The following SUPT3H variants were observed in gnomAD, a reference collection of about 807,000 sequenced individuals.
SUPT3H encodes the protein SPT3 homolog, SAGA and STAGA complex component, also known as transcription initiation protein SPT3 homolog.
A neutral mutation model predicts 44.3 loss-of-function variants in SUPT3H; 44 were observed. The observed-to-expected ratio is 0.99, with a 90% confidence interval of 0.78 to 1.28. The LOEUF (loss-of-function observed/expected upper bound fraction) is 1.28, where lower values mean the gene tolerates loss of function less well. Among genes scored for constraint, SUPT3H ranks in the 50% most tolerant of loss-of-function variants. The pLI is 0.00. For missense variants in SUPT3H, 380 were observed against 387.1 expected, an observed-to-expected ratio of 0.98 and a Z score of 0.15; for synonymous variants, 124 against 125.6, an observed-to-expected ratio of 0.99 and a Z score of 0.09.
chr6:45,346,628 T>C (rs183396289), intron 2 of SUPT3H, among the ~76,000 whole-genome samples: 2 of 150,648 alleles, frequency 1.3e-5, no homozygotes, highest in Non-Finnish European at 3.0e-5. Context: ...AGTGCAGTGG[T>C]GCGATCTCGG....
intron 2 of SUPT3H, among the ~76,000 whole-genome samples, chr6:45,166,980 A>T (rs1203486194): frequency 6.6e-6 from 1 of 152,250 alleles, no homozygotes; most frequent in Non-Finnish European, 1.5e-5. Flanking sequence ...TTTAAACAGT[A>T]AACATACACT....
intron 2 of SUPT3H, among the ~76,000 whole-genome samples, chr6:45,213,720 GTTAT>G (rs1230674357): frequency 2.0e-5 from 3 of 151,778 alleles, no homozygotes; most frequent in Non-Finnish European, 4.4e-5. Flanking sequence ...TTAAATGTTC[GTTAT>G]TTATTAAAAG....
At position 45,358,477 on chromosome 6, in the gene SUPT3H, A is replaced by T. The variant is rs146815089; in HGVS notation, c.101+6724T>A. 4.3e-4 allele frequency among the ~76,000 whole-genome samples: 66 copies of T among 152,316 alleles called. 1 individual carries two copies. In the East Asian group the frequency reaches 0.011, roughly 24 times the overall value. On this transcript the variant is annotated intron_variant, in intron 2 of 10. Coordinates refer to ENST00000371459, the MANE Select transcript of SUPT3H (RefSeq NM_003599.4). ...TCTCTATAATTATGAAATTCTTCCC[A>T]TTAAATTGCAAATATTTCCCCCTAT...
intron 9 of SUPT3H, among the ~76,000 whole-genome samples, chr6:44,950,231 A>G (rs1774067176): frequency 2.0e-5 from 3 of 152,044 alleles, no homozygotes; most frequent in Admixed American, 6.6e-5. Context: ...CCCCTTTCCC[A>G]TTACTCTCCT....
At chr6:45,122,039 A>AC (rs1363172175) in intron 2 of SUPT3H, among the ~76,000 whole-genome samples, 3 of 33,630 alleles carry the variant, frequency 8.9e-5, no homozygotes, top group Admixed American at 8.4e-4. Flanking sequence ...ATTTAAAAAC[A>AC]AAAAAAAAAG....
chr6:45,205,375 T>C (rs1185118822), intron 2 of SUPT3H, among the ~76,000 whole-genome samples: 1 of 152,202 alleles, frequency 6.6e-6, no homozygotes, highest in Non-Finnish European at 1.5e-5. Context: ...ACATTTTCTA[T>C]AGTTTCCACC....
At chr6:45,140,834 C>T (rs1029212780) in intron 2 of SUPT3H, among the ~76,000 whole-genome samples, 4 of 152,056 alleles carry the variant, frequency 2.6e-5, no homozygotes, top group African/African-American at 9.7e-5. Context: ...CTCAGGAAGC[C>T]CCATTCCTAG....
chr6:45,346,792 T>C (rs957646265), intron 2 of SUPT3H, among the ~76,000 whole-genome samples: 1 of 152,016 alleles, frequency 6.6e-6, no homozygotes, highest in Non-Finnish European at 1.5e-5. Context: ...GTCTCAAACT[T>C]GACCTCAGGT....
At chr6:45,191,014 T>C (rs1447620145) in intron 2 of SUPT3H, among the ~76,000 whole-genome samples, 2 of 152,092 alleles carry the variant, frequency 1.3e-5, no homozygotes, top group African/African-American at 4.8e-5. Context: ...TAGTGTCTTA[T>C]AAAACTAAAC....
At chr6:45,046,422 C>A (rs1326039411) in intron 3 of SUPT3H, among the ~76,000 whole-genome samples, 1 of 152,166 alleles carries the variant, frequency 6.6e-6, no homozygotes, top group Admixed American at 6.5e-5. Context: ...CCTCCGCCTG[C>A]CAGATTCAAG....
chr6:45,131,182 T>C (rs1326369932), intron 2 of SUPT3H, among the ~76,000 whole-genome samples: 2 of 152,150 alleles, frequency 1.3e-5, no homozygotes, highest in African/African-American at 2.4e-5. Context: ...GGCTAAATTA[T>C]AGGTTGCTTT....
At chr6:45,265,218 T>C (rs2153659283) in intron 2 of SUPT3H, among the ~76,000 whole-genome samples, 1 of 152,306 alleles carries the variant, frequency 6.6e-6, no homozygotes, top group African/African-American at 2.4e-5. Context: ...TGATCCTCAA[T>C]TTTAATAAAA....
chr6:45,022,236 A>G (rs1279838362), intron 3 of SUPT3H, among the ~76,000 whole-genome samples: 1 of 152,070 alleles, frequency 6.6e-6, no homozygotes, highest in Non-Finnish European at 1.5e-5. Flanking sequence ...ATTAAGAAGG[A>G]TCAGGAGAAA....
At chr6:44,880,774 C>T (rs1309745211) in intron 10 of SUPT3H, among the ~76,000 whole-genome samples, 1 of 152,146 alleles carries the variant, frequency 6.6e-6, no homozygotes, top group African/African-American at 2.4e-5. Flanking sequence ...GGCCAATATT[C>T]AACATTCTTA....
chr6:45,032,597 C>T (rs1007060263), intron 3 of SUPT3H, among the ~76,000 whole-genome samples: 17 of 152,242 alleles, frequency 1.1e-4, no homozygotes, highest in Middle Eastern at 6.8e-3. Context: ...TCATTCACAT[C>T]AGGATAAAAT....
At chr6:45,087,205 T>C (rs967515054) in intron 3 of SUPT3H, among the ~76,000 whole-genome samples, 3 of 152,106 alleles carry the variant, frequency 2.0e-5, no homozygotes, top group African/African-American at 7.2e-5. Flanking sequence ...AGAACTACTA[T>C]ACTGCATTAT....
chr6:45,176,970 A>C (rs536268400), intron 2 of SUPT3H, among the ~76,000 whole-genome samples: 1 of 152,366 alleles, frequency 6.6e-6, no homozygotes, highest in South Asian at 2.1e-4. Flanking sequence ...AGATGGGGAA[A>C]AAACAGAGCA....
At chr6:44,899,902 G>C (rs914010198) in intron 10 of SUPT3H, among the ~76,000 whole-genome samples, 1 of 152,148 alleles carries the variant, frequency 6.6e-6, no homozygotes, top group Non-Finnish European at 1.5e-5. Context: ...TTAGATGGTG[G>C]AATGTAGATG....
chr6:44,942,727 T>C (rs957422452), intron 9 of SUPT3H, among the ~76,000 whole-genome samples: 3 of 152,136 alleles, frequency 2.0e-5, no homozygotes, highest in Admixed American at 1.3e-4. Context: ...CGTATGGCTT[T>C]CCGCAAATCT....
Sources: allele counts gnomAD v4.1 joint callset (sites outside exome capture counted in the v4.1 genomes callset), GRCh38; gene constraint gnomAD v4.1.1; transcripts MANE v1.5; gene names NCBI Gene and HGNC (gene_info 2026-07-23, HGNC 2026-07-21).